Variants in MLIP observed in about 807,000 individuals in gnomAD.
MLIP encodes muscular LMNA interacting protein, also known as muscular LMNA-interacting protein.
A neutral mutation model predicts 84.8 loss-of-function variants in MLIP; 79 were observed. The ratio of observed to expected loss-of-function variants is 0.93; its 90% CI spans 0.78 to 1.12. The LOEUF is 1.12. MLIP is among the 50% of genes most tolerant of loss of function. The pLI is 0.00. For missense variants in MLIP, 1,257 were observed against 1,160.6 expected, an observed-to-expected ratio of 1.08 and a Z score of -1.21; for synonymous variants, 504 against 463.0, an observed-to-expected ratio of 1.09 and a Z score of -1.14.
intron 11 of MLIP, among the ~76,000 whole-genome samples, chr6:54,219,588 A>C (rs899498005): frequency 3.9e-5 from 6 of 152,112 alleles, no homozygotes; most frequent in African/African-American, 1.4e-4. Context: ...GTTAGGATTG[A>C]GTAATTGTGA....
At chr6:54,037,729 A>T (rs1764524353) in intron 1 of MLIP, among the ~76,000 whole-genome samples, 1 of 151,942 alleles carries the variant, frequency 6.6e-6, no homozygotes, top group South Asian at 2.1e-4. Flanking sequence ...TATTCTAGAA[A>T]AGAGATACAT....
intron 10 of MLIP, among the ~76,000 whole-genome samples, chr6:54,197,216 C>T (rs1176871446): frequency 6.6e-6 from 1 of 152,096 alleles, no homozygotes; most frequent in Non-Finnish European, 1.5e-5. Flanking sequence ...AAAGGTGAGG[C>T]ATTAGAGAGC....
In MLIP at chr6:54,121,482, C is replaced by T. The variant is rs764075337; in HGVS notation, c.132C>T (p.Ile44=). Residue 44 remains isoleucine (I), a synonymous_variant, in exon 2 of 14, where the codon ATC becomes ATT. Transcript: ENST00000502396. ...SAGGSEAKPL[I]FTFVPTVRRL... The stretch of plus-strand genomic sequence containing the variant: ...GTGGTTCTGAAGCCAAACCTCTGAT[C>T]TTCACATTTGTCCCCACTGTCAGAA... 2.4e-5 allele frequency: 38 copies of T among 1,614,012 alleles called. No individual in the cohort carries two copies. Among genetic ancestry groups the T allele is most frequent in the Non-Finnish European group, 3.1e-5 (37 of 1,180,024 alleles).
rs1279077086 is a variant in MLIP, at chr6:54,233,691, C to T, written c.2922+2774C>T. 2.6e-5 allele frequency among the ~76,000 whole-genome samples: 4 copies of T among 152,136 alleles called. No individual in the cohort carries two copies. In the East Asian group the frequency reaches 5.8e-4, roughly 22 times the overall value. ...TGATTTATAATTCTTTGGGTATATA[C>T]CCAGTAATGGGATTGCTGGATCAAA... On this transcript the variant is annotated intron_variant, in intron 12 of 13. Coordinates refer to ENST00000502396, the MANE Select transcript of MLIP (RefSeq NM_001281747.2).
intron 9 of MLIP, among the ~76,000 whole-genome samples, chr6:54,175,012 T>C (rs1776141928): frequency 6.6e-6 from 1 of 152,024 alleles, no homozygotes; most frequent in South Asian, 2.1e-4. Context: ...GACTATCTTT[T>C]CCTTATGTGT....
In MLIP at chr6:54,133,692, G is replaced by T. The variant is rs143064869; in HGVS notation, c.646-3023G>T. ...GGCAGTTCTACAATAGAGATTGGTT[G>T]TTAAAATAATTGATGGTCTCTATTA... On this transcript the variant is annotated intron_variant, in intron 3 of 13. Coordinates refer to ENST00000502396, the MANE Select transcript of MLIP (RefSeq NM_001281747.2). Among the ~76,000 whole-genome samples, 3 of 152,286 alleles carry T rather than the reference G, an allele frequency of 2.0e-5. No individual in the cohort carries two copies. In the East Asian group the frequency reaches 5.8e-4, roughly 29 times the overall value.
At chr6:54,021,290 A>C (rs1431038863) in intron 1 of MLIP, among the ~76,000 whole-genome samples, 1 of 152,106 alleles carries the variant, frequency 6.6e-6, no homozygotes, top group Non-Finnish European at 1.5e-5. Context: ...AGAAGAAAAT[A>C]TTTTTTCCAT....
In MLIP at chr6:54,023,552, ATTT is replaced by A. The variant is rs544965239; in HGVS notation, c.63+4462_63+4464del. Among the ~76,000 whole-genome samples, 607 of 152,096 alleles carry A rather than the reference ATTT, an allele frequency of 4.0e-3. 3 individuals carry two copies. Among genetic ancestry groups the A allele is most frequent in the Middle Eastern group, 0.014 (4 of 294 alleles). On this transcript the variant is annotated intron_variant, in intron 1 of 12. Transcript: ENST00000274897. Reference sequence around the variant, plus strand: ...TCAGAAAAAGGAGTTCATACCATTTATTTATTTTTTATTTAATTAATTAATTTA... The same window carrying A: ...TCAGAAAAAGGAGTTCATACCATTTAATTTTTTATTTAATTAATTAATTTA...
At chr6:54,093,567 G>A (rs1425851262) in intron 1 of MLIP, among the ~76,000 whole-genome samples, 2 of 152,078 alleles carry the variant, frequency 1.3e-5, no homozygotes, top group African/African-American at 4.8e-5. Flanking sequence ...GCTAAAACGA[G>A]GGGGCTTTTT....
intron 9 of MLIP, among the ~76,000 whole-genome samples, chr6:54,185,219 T>G (rs192946105): frequency 6.6e-6 from 1 of 152,310 alleles, no homozygotes; most frequent in Non-Finnish European, 1.5e-5. Context: ...TGTAATTGGA[T>G]TCATTGAAAA....
rs79420907 is a variant in MLIP, at chr6:54,092,204, G to C, written c.64-29243G>C. ...GCACTACAGTTTCTGCAAATGAGTA[G>C]TGTTTCCTCTAGGGCTTCCAGATTT... On this transcript the variant is annotated intron_variant, in intron 1 of 12. Transcript: ENST00000274897. Among the ~76,000 whole-genome samples, 91 of 152,300 alleles carry C rather than the reference G, an allele frequency of 6.0e-4. No homozygotes were observed. The East Asian group carries it at 7.3e-3, about 12-fold the overall frequency.
chr6:54,160,568 T>C lies in MLIP; in HGVS notation c.2408T>C (p.Ile803Thr), dbSNP rs1774519054. ...RQQTEELCAT[I>T]DKVLQDSLSM... Reference sequence around the variant, plus strand: ...CAAACTGAAGAGCTCTGTGCTACCATTGATAAGGTCTTACAGGATTCCTTG... The same window carrying C: ...CAAACTGAAGAGCTCTGTGCTACCACTGATAAGGTCTTACAGGATTCCTTG... The change falls in exon 7 of 14, where the codon ATT (isoleucine) becomes ACT (threonine). Residue 803 changes from isoleucine (I) to threonine (T), a missense_variant. Transcript: ENST00000502396. The C allele has an allele frequency of 6.2e-7, 1 of 1,612,376 alleles. No individual in the cohort carries two copies. The highest frequency in any genetic ancestry group is 1.1e-5 in the South Asian group (1 of 90,996).
At chr6:54,130,410 C>A (rs1771280550) in intron 3 of MLIP, among the ~76,000 whole-genome samples, 1 of 152,114 alleles carries the variant, frequency 6.6e-6, no homozygotes, top group Admixed American at 6.6e-5. Context: ...CTTCCTACCA[C>A]CTGCCCATCC....
intron 1 of MLIP, among the ~76,000 whole-genome samples, chr6:54,060,224 G>T (rs1765891063): frequency 6.6e-6 from 1 of 152,156 alleles, no homozygotes; most frequent in South Asian, 2.1e-4. Flanking sequence ...TTTTAAAGAT[G>T]ACAATATTAT....
intron 12 of MLIP, among the ~76,000 whole-genome samples, chr6:54,250,335 T>C (rs1782382444): frequency 6.6e-6 from 1 of 152,066 alleles, no homozygotes; most frequent in African/African-American, 2.4e-5. Context: ...CAAATATCTT[T>C]TGACCCAGTA....
At chr6:54,140,515 A>G (rs1772199565) in intron 4 of MLIP, among the ~76,000 whole-genome samples, 1 of 152,186 alleles carries the variant, frequency 6.6e-6, no homozygotes, top group Non-Finnish European at 1.5e-5. Flanking sequence ...ATATCAATAG[A>G]TTTCTTTGAA....
At position 54,137,336 on chromosome 6, in the gene MLIP, T is replaced by C; in HGVS notation, c.1267T>C (p.Ser423Pro). ...TGCCCTTCTCACTGCCATTCTCAAG[T>C]CAAACCCTTCCCACCAAAGACCCTT... ...RLALLTAILK[S>P]NPSHQRPFSP... Residue 423 changes from serine (S) to proline (P), a missense_variant, in exon 4 of 14, where the codon TCA becomes CCA. Coordinates refer to ENST00000502396, the MANE Select transcript of MLIP (RefSeq NM_001281747.2). 11 of 1,535,894 alleles carry C rather than the reference T, an allele frequency of 7.2e-6. No individual in the cohort carries two copies. Among genetic ancestry groups the C allele is most frequent in the Non-Finnish European group, 9.6e-6 (11 of 1,146,856 alleles).
intron 1 of MLIP, among the ~76,000 whole-genome samples, chr6:54,112,876 C>G (rs1169337004): frequency 1.3e-5 from 2 of 152,120 alleles, no homozygotes; most frequent in Admixed American, 1.3e-4. Flanking sequence ...TTCATTCATA[C>G]TTTGTTTCTA....
At chr6:54,023,714 C>T (rs940843820) in intron 1 of MLIP, among the ~76,000 whole-genome samples, 10 of 151,746 alleles carry the variant, frequency 6.6e-5, no homozygotes, top group Non-Finnish European at 1.0e-4. Context: ...GGACTACAGG[C>T]GTGCACCACC....
Sources: gnomAD v4.1 joint callset for allele counts (sites outside exome capture counted in the v4.1 genomes callset) on GRCh38, gnomAD v4.1.1 for gene constraint, MANE v1.5 for transcripts, NCBI Gene and HGNC (gene_info 2026-07-23, HGNC 2026-07-21) for gene names.